Variants in TXNL1 observed in about 807,000 individuals in gnomAD.
TXNL1 encodes thioredoxin-like protein 1.
Under a neutral mutation model 35.5 loss-of-function variants are expected in TXNL1, and 14 were observed. That is an observed-to-expected ratio of 0.39 (90% CI 0.26 to 0.62). The LOEUF is 0.62. Ranked by LOEUF, TXNL1 falls within the 20% of genes least tolerant of loss-of-function variation. The pLI, the probability that TXNL1 is intolerant of heterozygous loss-of-function variation, is 0.47. For synonymous variants in TXNL1, 110 were observed against 115.5 expected (o/e 0.95, Z 0.31); for missense variants, 263 against 349.7 (o/e 0.75, Z 1.98).
At chr18:56,634,056 G>A (rs910818186) in intron 1 of TXNL1, among the ~76,000 whole-genome samples, 3 of 148,442 alleles carry the variant, frequency 2.0e-5, no homozygotes, top group Non-Finnish European at 4.4e-5. Context: ...CAGGGACAAC[G>A]AACGACACAA....
At chr18:56,620,114 G>A (rs1406520345) in intron 3 of TXNL1, among the ~76,000 whole-genome samples, 2 of 151,988 alleles carry the variant, frequency 1.3e-5, no homozygotes, top group African/African-American at 4.8e-5. Context: ...GATTACAGGC[G>A]TGTGCCACCA....
intron 2 of TXNL1, among the ~76,000 whole-genome samples, chr18:56,625,576 T>C (rs1221427729): frequency 6.6e-6 from 1 of 152,172 alleles, no homozygotes; most frequent in African/African-American, 2.4e-5. Flanking sequence ...CTAGAAATAG[T>C]GATTAAATCA....
intron 6 of TXNL1, among the ~76,000 whole-genome samples, chr18:56,613,508 C>T (rs1853543015): frequency 6.6e-6 from 1 of 152,114 alleles, no homozygotes; most frequent in African/African-American, 2.4e-5. Flanking sequence ...AAAATCACCT[C>T]AAGCACTAGT....
In TXNL1 at chr18:56,602,971, A is replaced by G. The variant is rs2023831825; in HGVS notation, c.*56T>C. ...GACAGTCTCTGGCGAGAATCAAGCAATTATCCAGGAGCTGTAGATCTGATT... is the reference window on the plus strand; with the variant it reads ...GACAGTCTCTGGCGAGAATCAAGCAGTTATCCAGGAGCTGTAGATCTGATT... On this transcript the variant is annotated 3_prime_UTR_variant, in exon 8 of 8. Coordinates refer to ENST00000217515, the MANE Select transcript of TXNL1 (RefSeq NM_004786.3). 7.6e-6 allele frequency: 12 copies of G among 1,569,892 alleles called. No homozygotes were observed. Among genetic ancestry groups the G allele is most frequent in the Non-Finnish European group, 1.1e-5 (12 of 1,140,516 alleles).
rs187057309 is a variant in TXNL1, at chr18:56,637,917, G to T, written c.98+426C>A. 9.8e-5 allele frequency among the ~76,000 whole-genome samples: 15 copies of T among 152,334 alleles called. No homozygotes were observed. In the East Asian group the frequency reaches 2.9e-3, roughly 29 times the overall value. On this transcript the variant is annotated intron_variant, in intron 1 of 7. Coordinates refer to ENST00000217515, the MANE Select transcript of TXNL1 (RefSeq NM_004786.3). The stretch of plus-strand genomic sequence containing the variant: ...CAAAGGCTTTAGAGAGATGTAGGTG[G>T]TGAAGAGAAACAAAGTGTTCGGTAA...
At chr18:56,613,528 G>A (rs1439581091) in intron 6 of TXNL1, among the ~76,000 whole-genome samples, 2 of 152,148 alleles carry the variant, frequency 1.3e-5, no homozygotes, top group African/African-American at 4.8e-5. Flanking sequence ...TCAATCTTCA[G>A]AAAGGCTGGG....
intron 2 of TXNL1, 38 bp from the exon 3 acceptor site, chr18:56,624,499 C>A (rs1375980963): frequency 6.4e-7 from 1 of 1,570,120 alleles, no homozygotes; most frequent in South Asian, 1.2e-5. Flanking sequence ...TGAATTAAAT[C>A]TTAAACCACT....
chr18:56,634,903 T>G (rs9962320), intron 1 of TXNL1, among the ~76,000 whole-genome samples: 2,371 of 152,160 alleles, frequency 0.016, 55 homozygotes, highest in African/African-American at 0.052. Flanking sequence ...AAATTAAATA[T>G]TAACATCCGG....
chr18:56,634,528 T>C (rs998680155), intron 1 of TXNL1, among the ~76,000 whole-genome samples: 2 of 152,154 alleles, frequency 1.3e-5, no homozygotes, highest in African/African-American at 4.8e-5. Context: ...CCTTAAAAAA[T>C]ACTCTGGGAA....
chr18:56,619,958 A>C (rs1055910772), intron 3 of TXNL1, among the ~76,000 whole-genome samples: 1 of 151,856 alleles, frequency 6.6e-6, no homozygotes, highest in Non-Finnish European at 1.5e-5. Context: ...AAAAAACTCA[A>C]TTTTGTTATT....
At chr18:56,606,435 C>T (rs561169241) in intron 7 of TXNL1, among the ~76,000 whole-genome samples, 6 of 152,250 alleles carry the variant, frequency 3.9e-5, no homozygotes, top group Non-Finnish European at 8.8e-5. Context: ...TCAGACTGAG[C>T]AAACAAGTAA....
At chr18:56,637,380 G>T (rs1028547586) in intron 1 of TXNL1, among the ~76,000 whole-genome samples, 4 of 152,070 alleles carry the variant, frequency 2.6e-5, no homozygotes, top group Admixed American at 2.6e-4. Context: ...TAACGCCAAG[G>T]GGTCAAGGAA....
At chr18:56,612,027 T>C (rs1182388977) in intron 6 of TXNL1, among the ~76,000 whole-genome samples, 4 of 148,264 alleles carry the variant, frequency 2.7e-5, no homozygotes, top group Non-Finnish European at 6.0e-5. Context: ...CTTTTTTTTT[T>C]TTTTTTTTTT....
chr18:56,615,165 T>C (rs2024063730), intron 5 of TXNL1, among the ~76,000 whole-genome samples: 1 of 152,168 alleles, frequency 6.6e-6, no homozygotes, highest in South Asian at 2.1e-4. Context: ...ATGTATAGAA[T>C]GCCTTAATCC....
At chr18:56,623,322 G>A (rs183459417) in intron 3 of TXNL1, among the ~76,000 whole-genome samples, 10 of 152,164 alleles carry the variant, frequency 6.6e-5, no homozygotes, top group African/African-American at 1.9e-4. Context: ...CAGCTACTGG[G>A]GAGGCTGAGG....
In TXNL1 at chr18:56,600,658, T is replaced by TGGGGAACAACGTG. The variant is rs1479740489; in HGVS notation, c.*2356_*2368dup. 2 of 150,868 alleles carry TGGGGAACAACGTG rather than the reference T, an allele frequency of 1.3e-5. No individual in the cohort carries two copies. Among genetic ancestry groups the TGGGGAACAACGTG allele is most frequent in the Non-Finnish European group, 2.9e-5 (2 of 67,834 alleles). The allele number at this position is 150,868 out of a possible 1,614,324, so 9.3% of individuals were successfully genotyped here. ...GCTGCCTCCAACAGTATATTGAGAC[T>TGGGGAACAACGTG]GGGGAACAACGTGGGGCAGGTTTCA... On this transcript the variant is annotated 3_prime_UTR_variant, in exon 8 of 8. Transcript: ENST00000217515.
At chr18:56,617,415 A>G (rs1190990104) in intron 4 of TXNL1, among the ~76,000 whole-genome samples, 1 of 152,218 alleles carries the variant, frequency 6.6e-6, no homozygotes, top group Non-Finnish European at 1.5e-5. Context: ...GCAACTTTAT[A>G]TTTTAGAAAA....
chr18:56,621,115 C>A (rs1401210207), intron 3 of TXNL1, among the ~76,000 whole-genome samples: 1 of 151,842 alleles, frequency 6.6e-6, no homozygotes, highest in Non-Finnish European at 1.5e-5. Flanking sequence ...ACTTGCAATA[C>A]CTAAATGATA....
intron 7 of TXNL1, among the ~76,000 whole-genome samples, chr18:56,607,900 G>C (rs1292100087): frequency 6.6e-6 from 1 of 152,106 alleles, no homozygotes; most frequent in South Asian, 2.1e-4. Flanking sequence ...TGAAAATATT[G>C]TAAGTCAAAA....
Sources: gnomAD v4.1 joint callset for allele counts (sites outside exome capture counted in the v4.1 genomes callset) on GRCh38, gnomAD v4.1.1 for gene constraint, MANE v1.5 for transcripts, NCBI Gene and HGNC (gene_info 2026-07-23, HGNC 2026-07-21) for gene names.